ELAPOR2: variants seen among roughly 807,000 people sequenced by gnomAD.
The protein encoded by ELAPOR2 is endosome-lysosome associated apoptosis and autophagy regulator family member 2, also known as endosome/lysosome-associated apoptosis and autophagy regulator family member 2.
Under a neutral mutation model 120.7 loss-of-function variants are expected in ELAPOR2, and 89 were observed. The observed-to-expected ratio is 0.74, with a 90% CI of 0.62 to 0.88. The LOEUF (loss-of-function observed/expected upper bound fraction) is 0.88. Among genes scored for constraint, ELAPOR2 ranks in the 40% least tolerant of loss-of-function variants. The pLI is 0.00. For synonymous variants in ELAPOR2, 444 were observed against 444.9 expected, an observed-to-expected ratio of 1.00 and a Z score of 0.03; for missense variants, 1,134 against 1,251.6, an observed-to-expected ratio of 0.91 and a Z score of 1.42.
chr7:86,909,863 A>C lies in ELAPOR2; in HGVS notation c.2308T>G (p.Phe770Val). Residue 770 changes from phenylalanine (F) to valine (V), a missense_variant, in exon 16 of 22, where the codon TTC (phenylalanine) becomes GTC (valine). By Grantham distance (50) the Phe-to-Val change is conservative. Transcript: ENST00000450689. ...GATTGTGATGATAAGGCTGCTCGGAAACCCTTACTTTCAGAAGGAATAATT... is the reference window on the plus strand; with the variant it reads ...GATTGTGATGATAAGGCTGCTCGGACACCCTTACTTTCAGAAGGAATAATT... ...STIIPSESKG[F>V]RAALSSQSII... The C allele has an allele frequency of 6.2e-7, 1 of 1,613,384 alleles. No individual in the cohort carries two copies. Among genetic ancestry groups the C allele is most frequent in the Non-Finnish European group, 8.5e-7 (1 of 1,179,568 alleles).
chr7:87,043,092 C>T (rs1381321249), intron 1 of ELAPOR2, among the ~76,000 whole-genome samples: 2 of 151,934 alleles, frequency 1.3e-5, no homozygotes, highest in Non-Finnish European at 2.9e-5. Context: ...AGACCAATAA[C>T]AGGAGCTGAA....
At chr7:86,899,388 G>A (rs1433878079) in intron 18 of ELAPOR2, among the ~76,000 whole-genome samples, 2 of 152,108 alleles carry the variant, frequency 1.3e-5, no homozygotes, top group African/African-American at 4.8e-5. Flanking sequence ...TATAGGCTTT[G>A]CCCTGAAAAC....
chr7:86,950,321 T>C (rs1791192294), intron 2 of ELAPOR2, among the ~76,000 whole-genome samples: 1 of 151,624 alleles, frequency 6.6e-6, no homozygotes. Context: ...GCTAAAAGAG[T>C]TTTAACAAAT....
intron 1 of ELAPOR2, among the ~76,000 whole-genome samples, chr7:86,995,239 T>C (rs1793084512): frequency 6.6e-6 from 1 of 152,166 alleles, no homozygotes; most frequent in Non-Finnish European, 1.5e-5. Flanking sequence ...CTCTAATCAC[T>C]GTGAAGGAAA....
rs35712048 is a variant in ELAPOR2 at position 86,974,580 on chromosome 7, A to AGTGTGTGTGTGTGTGT, written c.190-9572_190-9557dup. 1.7e-3 allele frequency among the ~76,000 whole-genome samples: 238 copies of AGTGTGTGTGTGTGTGT among 138,814 alleles called. 2 individuals carry two copies. Among genetic ancestry groups the AGTGTGTGTGTGTGTGT allele is most frequent in the African/African-American group, 1.9e-3 (70 of 37,056 alleles). 91.1% of individuals were successfully genotyped at this position (138,814 alleles called of 152,430 possible). A position where few individuals can be genotyped will look rare whatever the true frequency, so the allele number is the denominator to read the frequency against. The stretch of plus-strand genomic sequence containing the variant: ...TAAAGCAATATATCTGAACCCCTGT[A>AGTGTGTGTGTGTGTGT]GTGTGTGTGTGTGTGTGTGTGTGTG... On this transcript the variant is annotated intron_variant, in intron 1 of 21. Coordinates refer to ENST00000450689, the MANE Select transcript of ELAPOR2 (RefSeq NM_001142749.3).
chr7:86,931,940 C>G (rs957425993), intron 8 of ELAPOR2, among the ~76,000 whole-genome samples: 8 of 151,868 alleles, frequency 5.3e-5, no homozygotes, highest in Non-Finnish European at 1.2e-4. Context: ...CCATCTTTTT[C>G]TCTTTGGGAA....
intron 1 of ELAPOR2, among the ~76,000 whole-genome samples, chr7:87,054,441 G>A (rs764353672): frequency 1.6e-4 from 24 of 152,192 alleles, no homozygotes; most frequent in Non-Finnish European, 3.4e-4. Flanking sequence ...ACTGGAAATG[G>A]AAAATTCACC....
At chr7:87,048,040 T>G (rs1409140112) in intron 1 of ELAPOR2, among the ~76,000 whole-genome samples, 1 of 151,936 alleles carries the variant, frequency 6.6e-6, no homozygotes, top group Non-Finnish European at 1.5e-5. Context: ...GGTCAAGAGA[T>G]CAAGACCATC....
At chr7:86,895,020 T>C (rs1469880390) in intron 19 of ELAPOR2, among the ~76,000 whole-genome samples, 1 of 152,086 alleles carries the variant, frequency 6.6e-6, no homozygotes, top group South Asian at 2.1e-4. Flanking sequence ...GTATTAGATA[T>C]ATTTAAAGAA....
chr7:86,945,400 T>C (rs1009072471), intron 3 of ELAPOR2, among the ~76,000 whole-genome samples: 30 of 152,190 alleles, frequency 2.0e-4, no homozygotes, highest in African/African-American at 7.2e-4. Context: ...GGCAAATCTA[T>C]GGAAGGGGAG....
chr7:86,893,220 C>T (rs544820266), intron 19 of ELAPOR2, 120 bp from the exon 20 acceptor site: 3 of 736,314 alleles, frequency 4.1e-6, no homozygotes, highest in Admixed American at 6.7e-5. Context: ...GTTTTGCTAA[C>T]CCTTTACTTA....
At chr7:86,991,063 T>C (rs1460601799) in intron 1 of ELAPOR2, among the ~76,000 whole-genome samples, 2 of 152,198 alleles carry the variant, frequency 1.3e-5, no homozygotes, top group Admixed American at 6.5e-5. Flanking sequence ...TAATCTATCA[T>C]TGTATATATG....
At chr7:86,902,395 C>T (rs1319015479) in intron 18 of ELAPOR2, among the ~76,000 whole-genome samples, 1 of 152,108 alleles carries the variant, frequency 6.6e-6, no homozygotes, top group East Asian at 1.9e-4. Context: ...AGGCTGGTCT[C>T]AAACTCCTGA....
At chr7:86,915,581 C>G (rs1442278978) in intron 12 of ELAPOR2, among the ~76,000 whole-genome samples, 1 of 151,408 alleles carries the variant, frequency 6.6e-6, no homozygotes, top group Non-Finnish European at 1.5e-5. Context: ...TAACATACAT[C>G]TAATTTATAT....
intron 1 of ELAPOR2, among the ~76,000 whole-genome samples, chr7:87,020,208 G>C (rs1355972246): frequency 6.6e-6 from 1 of 152,002 alleles, no homozygotes; most frequent in Non-Finnish European, 1.5e-5. Context: ...TTAAAAGACT[G>C]AAAGTACCAC....
At chr7:87,000,962 A>T (rs1339297368) in intron 1 of ELAPOR2, among the ~76,000 whole-genome samples, 2 of 152,192 alleles carry the variant, frequency 1.3e-5, no homozygotes, top group African/African-American at 4.8e-5. Flanking sequence ...CTTCATTTAT[A>T]AATGGAAATA....
At chr7:86,937,540 C>G (rs1360194808) in intron 8 of ELAPOR2, among the ~76,000 whole-genome samples, 3 of 152,098 alleles carry the variant, frequency 2.0e-5, no homozygotes, top group African/African-American at 7.2e-5. Flanking sequence ...GTGCATTTTT[C>G]CTCTGGCTAT....
At chr7:87,034,097 A>G (rs1562977487) in intron 1 of ELAPOR2, among the ~76,000 whole-genome samples, 2 of 152,338 alleles carry the variant, frequency 1.3e-5, no homozygotes, top group South Asian at 2.1e-4. Context: ...CTATATGTAC[A>G]TAATATTACC....
chr7:87,058,949 G>A (rs1354375624), intron 1 of ELAPOR2, among the ~76,000 whole-genome samples: 1 of 151,948 alleles, frequency 6.6e-6, no homozygotes, highest in Non-Finnish European at 1.5e-5. Context: ...CTGGCTCTCT[G>A]GAAAAGCTGT....
Sources: allele counts gnomAD v4.1 joint callset (sites outside exome capture counted in the v4.1 genomes callset), GRCh38; gene constraint gnomAD v4.1.1; transcripts MANE v1.5; gene names NCBI Gene and HGNC (gene_info 2026-07-23, HGNC 2026-07-21).